The following MCOLN2 variants were observed in gnomAD, a reference collection of about 807,000 sequenced individuals.
MCOLN2 encodes the protein mucolipin-2.
A neutral mutation model predicts 67.5 loss-of-function variants in MCOLN2; 57 were observed. The observed-to-expected ratio is 0.84, with a 90% CI of 0.68 to 1.05. The LOEUF (loss-of-function observed/expected upper bound fraction) is 1.05. Among genes scored for constraint, MCOLN2 ranks in the 50% least tolerant of loss-of-function variants. MCOLN2 has a pLI of 0.00. For synonymous variants in MCOLN2, 246 were observed against 233.3 expected (o/e 1.05, Z -0.50); for missense variants, 620 against 678.8 (o/e 0.91, Z 0.96).
intron 9 of MCOLN2, among the ~76,000 whole-genome samples, chr1:84,939,043 C>A (rs1283118543): frequency 6.6e-6 from 1 of 152,124 alleles, no homozygotes; most frequent in East Asian, 1.9e-4. Context: ...GGAGGTGTGG[C>A]TGGAGGGACC....
At chr1:84,955,283 T>G (rs1473989134) in intron 4 of MCOLN2, among the ~76,000 whole-genome samples, 1 of 152,186 alleles carries the variant, frequency 6.6e-6, no homozygotes, top group Non-Finnish European at 1.5e-5. Context: ...GCGTATGTCT[T>G]TATTAGCAGC....
intron 6 of MCOLN2, among the ~76,000 whole-genome samples, chr1:84,948,253 C>T (rs1195208446): frequency 3.3e-5 from 5 of 152,226 alleles, no homozygotes; most frequent in African/African-American, 4.8e-5. Context: ...GTCTGGCATC[C>T]CTGCCTCCAG....
chr1:84,948,170 C>A (rs1395632660), intron 6 of MCOLN2, among the ~76,000 whole-genome samples: 1 of 152,252 alleles, frequency 6.6e-6, no homozygotes. Flanking sequence ...GCAGCAATTG[C>A]CCCTACCCAG....
chr1:84,939,416 G>T lies in MCOLN2; in HGVS notation c.1110+137C>A. 4.8e-6 allele frequency: 4 copies of T among 825,848 alleles called. No homozygotes were observed. In the South Asian group the frequency reaches 7.5e-5, roughly 16 times the overall value. 51.2% of individuals were successfully genotyped at this position (825,848 alleles called of 1,614,324 possible). A position where few individuals can be genotyped will look rare whatever the true frequency, so the allele number is the denominator to read the frequency against. On this transcript the variant is annotated intron_variant, in intron 9 of 13. Transcript: ENST00000370608. The stretch of plus-strand genomic sequence containing the variant: ...CCCTTCACGAGGAACCAAGCCAGGG[G>T]AGGCCTCACTTGTGCTGGTGTGAGA...
At chr1:84,941,191 A>G (rs561565449) in intron 7 of MCOLN2, among the ~76,000 whole-genome samples, 200 bp from the exon 8 acceptor site, 59 of 152,222 alleles carry the variant, frequency 3.9e-4, no homozygotes, top group Non-Finnish European at 6.8e-4. Context: ...ATATAAAGCT[A>G]TACATTTAAA....
intron 13 of MCOLN2, among the ~76,000 whole-genome samples, chr1:84,929,247 G>A (rs926620305): frequency 6.6e-6 from 1 of 152,180 alleles, no homozygotes; most frequent in Middle Eastern, 3.2e-3. Flanking sequence ...AAAAATAAGA[G>A]CTTTGACCTC....
At chr1:84,959,999 AGGCTAGCCTTGGCAATATAGCAAAACCT>A (rs1648994145) in intron 2 of MCOLN2, among the ~76,000 whole-genome samples, 1 of 152,228 alleles carries the variant, frequency 6.6e-6, no homozygotes, top group Non-Finnish European at 1.5e-5. Context: ...CAGGAGTTCA[AGGCTAGCCTTGGCAATATAGCAAAACCT>A]GTCTCTAAAA....
chr1:84,928,840 C>T (rs1402865311), intron 13 of MCOLN2, among the ~76,000 whole-genome samples: 1 of 152,148 alleles, frequency 6.6e-6, no homozygotes, highest in Non-Finnish European at 1.5e-5. Context: ...CAATTATGTT[C>T]TCATAGCTTC....
chr1:84,988,928 C>A (rs1268213185), intron 1 of MCOLN2, among the ~76,000 whole-genome samples: 2 of 152,210 alleles, frequency 1.3e-5, no homozygotes, highest in Non-Finnish European at 1.5e-5. Flanking sequence ...TCCCCCAGCT[C>A]TTTGTGTGTC....
intron 1 of MCOLN2, among the ~76,000 whole-genome samples, chr1:84,972,748 A>G (rs1193379958): frequency 2.0e-5 from 3 of 152,234 alleles, no homozygotes; most frequent in Non-Finnish European, 2.9e-5. Context: ...CAAAACAATG[A>G]CTAAGAGTCT....
At chr1:84,971,288 T>C (rs963406937) in intron 1 of MCOLN2, among the ~76,000 whole-genome samples, 1 of 152,134 alleles carries the variant, frequency 6.6e-6, no homozygotes, top group Non-Finnish European at 1.5e-5. Context: ...GAGATAGCTG[T>C]TTTTTAATAA....
At chr1:84,959,686 T>C (rs572107747) in intron 2 of MCOLN2, among the ~76,000 whole-genome samples, 9 of 152,306 alleles carry the variant, frequency 5.9e-5, no homozygotes, top group South Asian at 2.1e-4. Context: ...CCCTAAGTGA[T>C]TTCTTCAGCT....
chr1:84,937,514 G>A, intron 11 of MCOLN2: 1 of 1,019,676 alleles, frequency 9.8e-7, no homozygotes, highest in Non-Finnish European at 1.2e-6. Flanking sequence ...GACCCCTTAA[G>A]CCAGTCCCAG....
At chr1:84,929,810 T>C in intron 12 of MCOLN2, 131 bp from the exon 13 acceptor site, 2 of 760,460 alleles carry the variant, frequency 2.6e-6, no homozygotes, top group South Asian at 2.2e-5. Context: ...AGAACTGATA[T>C]TTACAATGAT....
At chr1:84,929,370 T>C (rs1428061511) in intron 13 of MCOLN2, among the ~76,000 whole-genome samples, 188 bp downstream of exon 13, 2 of 152,240 alleles carry the variant, frequency 1.3e-5, no homozygotes, top group Admixed American at 1.3e-4. Flanking sequence ...TGTAGCTTTC[T>C]ACATAACCCT....
At chr1:84,934,300 C>T (rs941770462) in intron 11 of MCOLN2, among the ~76,000 whole-genome samples, 5 of 152,062 alleles carry the variant, frequency 3.3e-5, no homozygotes, top group African/African-American at 1.2e-4. Context: ...ATATTTAATA[C>T]GTATTAAATG....
chr1:84,940,330 G>A (rs1647687682), intron 8 of MCOLN2, among the ~76,000 whole-genome samples: 1 of 152,168 alleles, frequency 6.6e-6, no homozygotes, highest in African/African-American at 2.4e-5. Flanking sequence ...GTGTGCATTT[G>A]TACACACGCC....
In MCOLN2 at chr1:84,941,963, C is replaced by G. The variant is rs189480347; in HGVS notation, c.848-972G>C. Among the ~76,000 whole-genome samples, 550 of 152,266 alleles carry G rather than the reference C, an allele frequency of 3.6e-3. 6 individuals are homozygous for G. The highest frequency in any genetic ancestry group is 0.012 in the African/African-American group (518 of 41,544). The stretch of plus-strand genomic sequence containing the variant: ...TTCACGGTAGTGTCTCCAATCCCAG[C>G]CCAGCTCTCTTCTGCCTGACCCCCA... On this transcript the variant is annotated intron_variant, in intron 7 of 13. Transcript: ENST00000370608.
chr1:84,950,189 T>C (rs1648348808), intron 6 of MCOLN2, among the ~76,000 whole-genome samples: 1 of 152,176 alleles, frequency 6.6e-6, no homozygotes, highest in African/African-American at 2.4e-5. Flanking sequence ...CCAATGAAAA[T>C]GTTCACATCA....
Sources: gnomAD v4.1 joint callset for allele counts (sites outside exome capture counted in the v4.1 genomes callset) on GRCh38, gnomAD v4.1.1 for gene constraint, MANE v1.5 for transcripts, NCBI Gene and HGNC (gene_info 2026-07-23, HGNC 2026-07-21) for gene names.